Variants in RPL5 observed in about 807,000 individuals in gnomAD.
RPL5 encodes ribosomal protein L5, also known as large ribosomal subunit protein uL18.
A neutral mutation model predicts 38.4 loss-of-function variants in RPL5; 1 was observed. The observed-to-expected ratio is 0.03, with a 90% CI of 0.01 to 0.12. The LOEUF (loss-of-function observed/expected upper bound fraction) is 0.12, where lower values mean the gene tolerates loss of function less well. Ranked by LOEUF, RPL5 falls within the 10% of genes least tolerant of loss-of-function variation. The probability of loss-of-function intolerance (pLI) is 1.00; values close to 1 mark genes in which losing one functional copy is unlikely to be tolerated. For missense variants in RPL5, 243 were observed against 374.1 expected, an observed-to-expected ratio of 0.65 and a Z score of 2.89; for synonymous variants, 109 against 121.2, an observed-to-expected ratio of 0.90 and a Z score of 0.66.
At position 92,832,056 on chromosome 1, in the gene RPL5, A is replaced by G; in HGVS notation, c.-59A>G. 52 of 1,611,452 alleles carry G rather than the reference A, an allele frequency of 3.2e-5. No homozygotes were observed. In the South Asian group the frequency reaches 3.8e-4, roughly 12 times the overall value. ...GGCTGTGGCCCTTTTCCCACCCCCT[A>G]GCGCCGCTGGGCCTGCAGGTCTCTG... is the stretch of plus-strand genomic sequence containing the variant. On this transcript the variant is annotated 5_prime_UTR_variant, in exon 1 of 8. Transcript: ENST00000370321.
intron 6 of RPL5, among the ~76,000 whole-genome samples, chr1:92,839,050 T>TCC (rs1553122502): frequency 7.3e-5 from 11 of 149,968 alleles, no homozygotes; most frequent in African/African-American, 2.4e-4. Flanking sequence ...TTTTTTTTTT[T>TCC]CAGTGAGTTT....
chr1:92,832,595 C>T, intron 1 of RPL5: 1 of 310,522 alleles, frequency 3.2e-6, no homozygotes, highest in East Asian at 7.1e-5. Context: ...AGCTTGTGCC[C>T]GTGGGCTGAG....
rs112571271 is a variant in RPL5 at position 92,841,656 on chromosome 1, G to T, written c.795-110G>T. On this transcript the variant is annotated intron_variant, in intron 7 of 7. Coordinates refer to ENST00000370321, the MANE Select transcript of RPL5 (RefSeq NM_000969.5). Reference sequence around the variant, plus strand: ...ACTTGGATTATTTAACCTTCTGATTGCAAAGTCTTAAATATTCTCTATCAA... The same window carrying T: ...ACTTGGATTATTTAACCTTCTGATTTCAAAGTCTTAAATATTCTCTATCAA... The T allele has an allele frequency of 6.7e-3, 4,329 of 645,674 alleles. 150 individuals carry two copies. The African/African-American group carries it at 0.073, about 11-fold the overall frequency. 40.0% of individuals were successfully genotyped at this position (645,674 alleles called of 1,614,324 possible). A position where few individuals can be genotyped will look rare whatever the true frequency, so the allele number is the denominator to read the frequency against.
In RPL5 at chr1:92,840,368, T is replaced by C. The variant is rs79732994; in HGVS notation, c.706-183T>C. The stretch of plus-strand genomic sequence containing the variant: ...TAGTGATAATTCACATTGCATAAGG[T>C]GAAAATTGGGAATTTGTTAGGAAAA... On this transcript the variant is annotated intron_variant, in intron 6 of 7. Coordinates refer to ENST00000370321, the MANE Select transcript of RPL5 (RefSeq NM_000969.5). 4,389 of 578,688 alleles carry C rather than the reference T, an allele frequency of 7.6e-3. 157 individuals carry two copies. The highest frequency in any genetic ancestry group is 0.073 in the African/African-American group (3,873 of 53,350). The allele number at this position is 578,688 out of a possible 1,614,324, so 35.8% of individuals were successfully genotyped here.
At chr1:92,837,769 G>T in intron 6 of RPL5, 136 bp downstream of exon 6, 1 of 743,056 alleles carries the variant, frequency 1.3e-6, no homozygotes, top group Non-Finnish European at 2.3e-6. Context: ...CATTCTTTTA[G>T]TAATCTTTTA....
rs553146536 is a variant in RPL5, at chr1:92,834,864, T to C, written c.275T>C (p.Leu92Pro). The stretch of plus-strand genomic sequence containing the variant: ...CCAAAATATGGTGTGAAGGTTGGCC[T>C]GACAAATTATGCTGCAGCATATTGT... ...ELPKYGVKVG[L>P]TNYAAAYCTG... The change falls in exon 4 of 8, where the codon CTG (leucine) becomes CCG (proline). Residue 92 changes from leucine (L) to proline (P), a missense_variant. Physicochemically the swap from Leu to Pro is moderately conservative, Grantham distance 98 (BLOSUM62 -3). Transcript: ENST00000370321. 3.1e-6 allele frequency: 5 copies of C among 1,605,864 alleles called. No homozygotes were observed. The highest frequency in any genetic ancestry group is 1.1e-5 in the South Asian group (1 of 91,086).
At chr1:92,834,690 A>G in intron 3 of RPL5, 89 bp from the exon 4 acceptor site, 1 of 1,538,120 alleles carries the variant, frequency 6.5e-7, no homozygotes, top group Non-Finnish European at 9.0e-7. Context: ...TGTGTCCATC[A>G]ATGTTTTTTT....
intron 6 of RPL5, chr1:92,837,860 C>T (rs977251152): frequency 2.9e-5 from 16 of 542,684 alleles, no homozygotes; most frequent in South Asian, 6.2e-5. Context: ...TTGTAGATGT[C>T]ATTTCTGTAA....
At chr1:92,835,288 A>C in intron 4 of RPL5, 1 of 345,432 alleles carries the variant, frequency 2.9e-6, no homozygotes, top group South Asian at 2.5e-5. Context: ...GACTCGTGGG[A>C]ACTCCACTCT....
intron 4 of RPL5, among the ~76,000 whole-genome samples, chr1:92,835,776 T>C (rs370458140): frequency 2.6e-5 from 4 of 152,202 alleles, no homozygotes; most frequent in African/African-American, 9.6e-5. Flanking sequence ...TTTTGCCTTG[T>C]TTTTATTATC....
intron 1 of RPL5, 177 bp downstream of exon 1, chr1:92,832,294 G>T: frequency 1.0e-6 from 1 of 967,076 alleles, no homozygotes; most frequent in South Asian, 1.4e-5. Context: ...CGCCCGGTGC[G>T]CGAACTTGGG....
In RPL5 at chr1:92,832,187, T is replaced by G. The variant is rs142722855; in HGVS notation, c.3+70T>G. On this transcript the variant is annotated intron_variant, in intron 1 of 7. Transcript: ENST00000370321. The stretch of plus-strand genomic sequence containing the variant: ...CCCTTTTCTTGCCCGTATGCCAGCC[T>G]AGGGCCCGTCTCGCGCGTCGCAGGG... 1.7e-3 allele frequency: 2,746 copies of G among 1,603,016 alleles called. 10 individuals are homozygous for G. The highest frequency in any genetic ancestry group is 3.4e-3 in the Admixed American group (199 of 58,578).
chr1:92,837,205 G>T (rs1687163952), intron 5 of RPL5: 1 of 646,790 alleles, frequency 1.5e-6, no homozygotes. Flanking sequence ...GACTAATTTT[G>T]TAGTGGTGGA....
At chr1:92,835,809 A>G (rs535505656) in intron 4 of RPL5, among the ~76,000 whole-genome samples, 6 of 152,246 alleles carry the variant, frequency 3.9e-5, no homozygotes, top group Admixed American at 1.3e-4. Context: ...CTTGTTTTGC[A>G]ATGGAATTGT....
chr1:92,832,383 G>C (rs1226199558), intron 1 of RPL5: 2 of 609,506 alleles, frequency 3.3e-6, no homozygotes, highest in Non-Finnish European at 5.9e-6. Flanking sequence ...GACAGCCTGA[G>C]TGCGGATACT....
intron 1 of RPL5, chr1:92,833,130 CT>C: frequency 1.5e-6 from 1 of 674,252 alleles, no homozygotes; most frequent in East Asian, 2.7e-5. Flanking sequence ...AAATTGGGGC[CT>C]GCATTTTGTA....
chr1:92,840,711 G>C (rs1289041475), intron 7 of RPL5, 72 bp downstream of exon 7: 1 of 1,106,482 alleles, frequency 9.0e-7, no homozygotes, highest in African/African-American at 1.5e-5. Context: ...CAGACTGTTG[G>C]TGTAATTGTG....
chr1:92,837,687 ATTAC>A, intron 6 of RPL5, 54 bp downstream of exon 6: 1 of 1,496,894 alleles, frequency 6.7e-7, no homozygotes, highest in Non-Finnish European at 9.3e-7. Flanking sequence ...AAATAGGTTT[ATTAC>A]TTGTTTTGGG....
chr1:92,832,585 A>G (rs1367101615), intron 1 of RPL5, among the ~76,000 whole-genome samples: 1 of 152,118 alleles, frequency 6.6e-6, no homozygotes, highest in Non-Finnish European at 1.5e-5. Flanking sequence ...AGATTTAGGA[A>G]GCTTGTGCCC....
Sources: allele counts gnomAD v4.1 joint callset (sites outside exome capture counted in the v4.1 genomes callset), GRCh38; gene constraint gnomAD v4.1.1; transcripts MANE v1.5; gene names NCBI Gene and HGNC (gene_info 2026-07-23, HGNC 2026-07-21).